Variants in FABP6 observed in about 807,000 individuals in gnomAD.
The protein encoded by FABP6 is fatty acid binding protein 6.
A neutral mutation model predicts 14.9 loss-of-function variants in FABP6; 13 were observed. That is an observed-to-expected ratio of 0.87 (90% CI 0.57 to 1.39). The LOEUF (loss-of-function observed/expected upper bound fraction) is 1.39. Ranked by LOEUF, FABP6 falls within the 40% of genes most tolerant of loss-of-function variation. The pLI is 0.00. For synonymous variants in FABP6, 75 were observed against 63.6 expected (o/e 1.18, Z -0.85); for missense variants, 161 against 167.2 (o/e 0.96, Z 0.20).
chr5:160,218,461 C>CT lies in FABP6; in HGVS notation c.135+4659dup, dbSNP rs10692189. Among the ~76,000 whole-genome samples, 63 of 116,410 alleles carry CT rather than the reference C, an allele frequency of 5.4e-4. 4 individuals carry two copies. Among genetic ancestry groups the CT allele is most frequent in the Middle Eastern group, 0.011 (2 of 186 alleles). 76.4% of individuals were successfully genotyped at this position (116,410 alleles called of 152,430 possible). A position where few individuals can be genotyped will look rare whatever the true frequency, so the allele number is the denominator to read the frequency against. ...TGGATTTTCTTATCTTAGTCTTTGA[C>CT]TTTTTTTTTTTTTTTTTGAGATGGA... On this transcript the variant is annotated intron_variant, in intron 3 of 6. Coordinates refer to the FABP6 transcript ENST00000393980.
intron 1 of FABP6, chr5:160,198,794 C>A: frequency 2.6e-6 from 1 of 383,590 alleles, no homozygotes; most frequent in Non-Finnish European, 4.8e-6. Flanking sequence ...TCAGACATGC[C>A]TTCCCTGCCC....
Position 160,232,201 on chromosome 5 carries a change from C to A in FABP6, c.171C>A (p.Gly57=), listed in dbSNP as rs147812177. The change falls in exon 2 of 4, where the codon GGC becomes GGA. Residue 57 remains glycine (G), a synonymous_variant. Transcript: ENST00000402432. Reference sequence around the variant, plus strand: ...CTTGGTCCCAGCACTACTCCGGGGGCCACACCATGACCAACAAGTTCACTG... The same window carrying A: ...CTTGGTCCCAGCACTACTCCGGGGGACACACCATGACCAACAAGTTCACTG... ...DFTWSQHYSG[G]HTMTNKFTVG... 1 of 1,613,362 alleles carries A rather than the reference C, an allele frequency of 6.2e-7. No homozygotes were observed. Among genetic ancestry groups the A allele is most frequent in the Admixed American group, 1.7e-5 (1 of 59,884 alleles).
intron 2 of FABP6, chr5:160,199,199 A>T: frequency 4.3e-6 from 7 of 1,609,570 alleles, no homozygotes; most frequent in Non-Finnish European, 6.0e-6. Flanking sequence ...GAGGCAAATG[A>T]AAGGATGACC....
chr5:160,222,362 C>T (rs1486930592), intron 3 of FABP6, among the ~76,000 whole-genome samples: 1 of 152,044 alleles, frequency 6.6e-6, no homozygotes, highest in African/African-American at 2.4e-5. Flanking sequence ...GAGATGGAGT[C>T]TTGCTCTGTT....
In FABP6 at chr5:160,216,191, C is replaced by T. The variant is rs114598756; in HGVS notation, c.135+2372C>T. ...TGTCTTCTGCTGTGTATCTCCATCC[C>T]CTAACACATAGCCTTGTGCTAGTAA... On this transcript the variant is annotated intron_variant, in intron 3 of 6. Transcript: ENST00000393980. Among the ~76,000 whole-genome samples the T allele has an allele frequency of 8.6e-3, 1,304 of 152,190 alleles. 9 individuals are homozygous for T. The highest frequency in any genetic ancestry group is 0.03 in the African/African-American group (1,234 of 41,522).
At chr5:160,217,407 G>GCATTC (rs1395007448) in intron 3 of FABP6, among the ~76,000 whole-genome samples, 2 of 152,094 alleles carry the variant, frequency 1.3e-5, no homozygotes, top group Non-Finnish European at 2.9e-5. Flanking sequence ...ACAAGAAGAA[G>GCATTC]GGCTGAATGC....
intron 2 of FABP6, among the ~76,000 whole-genome samples, chr5:160,208,784 T>C (rs1759823499): frequency 2.0e-5 from 1 of 50,870 alleles, no homozygotes; most frequent in South Asian, 5.1e-4. Context: ...TTTCTTTTCT[T>C]TTTTTTTTTT....
chr5:160,223,909 A>C (rs1760188246), intron 3 of FABP6, among the ~76,000 whole-genome samples: 1 of 145,658 alleles, frequency 6.9e-6, no homozygotes, highest in Admixed American at 7.0e-5. Context: ...AGACCAGCCT[A>C]GGCAACAAAG....
intron 3 of FABP6, among the ~76,000 whole-genome samples, chr5:160,236,344 C>A (rs1760514789): frequency 6.6e-6 from 1 of 152,086 alleles, no homozygotes; most frequent in African/African-American, 2.4e-5. Context: ...GGGCACTAAT[C>A]CTTCATGGGG....
chr5:160,218,675 G>A (rs1441896437), intron 3 of FABP6, among the ~76,000 whole-genome samples: 15 of 151,490 alleles, frequency 9.9e-5, no homozygotes, highest in Non-Finnish European at 2.1e-4. Flanking sequence ...TGGTTAGGGT[G>A]GTCTAGAACT....
chr5:160,219,177 C>T lies in FABP6; in HGVS notation c.135+5358C>T, dbSNP rs549707692. ...GATAGTTCACTTACTCTATGCAAGACCTGTAAGGTCCTGGGGATGGAGAGA... is the reference window on the plus strand; with the variant it reads ...GATAGTTCACTTACTCTATGCAAGATCTGTAAGGTCCTGGGGATGGAGAGA... On this transcript the variant is annotated intron_variant, in intron 3 of 6. Coordinates refer to the FABP6 transcript ENST00000393980. 3.3e-5 allele frequency among the ~76,000 whole-genome samples: 5 copies of T among 152,230 alleles called. No individual in the cohort carries two copies. In the South Asian group the frequency reaches 1.0e-3, roughly 32 times the overall value.
exon 3 of FABP6, chr5:160,213,800 A>G: frequency 6.2e-7 from 1 of 1,613,846 alleles, no homozygotes; most frequent in East Asian, 2.2e-5. Context: ...CAGAGAATGA[A>G]ACAGACACAT....
At position 160,229,821 on chromosome 5, in the gene FABP6, T is replaced by TTTTTA. The variant is rs200570698; in HGVS notation, c.67+262_67+266dup. On this transcript the variant is annotated intron_variant, in intron 1 of 3. Coordinates refer to ENST00000402432, the MANE Select transcript of FABP6 (RefSeq NM_001445.3). Reference sequence around the variant, plus strand: ...ATAAGAACTAAGACACTCTTTAACTTTTTTATTTTATTTTATTTTATTTTA... The same window carrying TTTTTA: ...ATAAGAACTAAGACACTCTTTAACTTTTTTATTTTATTTTATTTTATTTTATTTTA... Among the ~76,000 whole-genome samples the TTTTTA allele has an allele frequency of 2.9e-3, 370 of 128,072 alleles. 3 individuals are homozygous for TTTTTA. The highest frequency in any genetic ancestry group is 9.0e-3 in the African/African-American group (297 of 33,172). The allele number at this position is 128,072 out of a possible 152,430, so 84.0% of individuals were successfully genotyped here. A position where few individuals can be genotyped will look rare whatever the true frequency, so the allele number is the denominator to read the frequency against.
intron 1 of FABP6, among the ~76,000 whole-genome samples, chr5:160,194,628 C>T (rs1759474417): frequency 1.3e-5 from 2 of 152,284 alleles, no homozygotes; most frequent in South Asian, 4.1e-4. Flanking sequence ...ACCAGGGACA[C>T]CCTCTGCGTA....
chr5:160,224,092 T>C (rs1053403418), intron 3 of FABP6, among the ~76,000 whole-genome samples: 9 of 151,758 alleles, frequency 5.9e-5, no homozygotes, highest in Non-Finnish European at 1.2e-4. Context: ...AAAAATTAGC[T>C]GGGCGTGGTG....
At chr5:160,204,866 G>C (rs981162995) in intron 2 of FABP6, 2 of 152,166 alleles carry the variant, frequency 1.3e-5, no homozygotes, top group Non-Finnish European at 2.9e-5. Context: ...CCTATCCAAG[G>C]TAGGAAGCCT....
At chr5:160,233,688 T>C (rs1760440704) in intron 2 of FABP6, among the ~76,000 whole-genome samples, 1 of 151,816 alleles carries the variant, frequency 6.6e-6, no homozygotes, top group African/African-American at 2.4e-5. Flanking sequence ...GACTGGCCAA[T>C]ATGGTGAAAC....
intron 3 of FABP6, among the ~76,000 whole-genome samples, chr5:160,221,127 A>G (rs1760120494): frequency 6.6e-6 from 1 of 151,034 alleles, no homozygotes; most frequent in Admixed American, 6.6e-5. Context: ...ACTTGAGGAC[A>G]GGTACTTGGT....
chr5:160,213,954 C>A, intron 3 of FABP6: 1 of 722,696 alleles, frequency 1.4e-6, no homozygotes, highest in Non-Finnish European at 2.4e-6. Context: ...TATTAGGTTG[C>A]ACCATCTGAA....
Sources: allele counts gnomAD v4.1 joint callset (sites outside exome capture counted in the v4.1 genomes callset), GRCh38; gene constraint gnomAD v4.1.1; transcripts MANE v1.5; gene names NCBI Gene and HGNC (gene_info 2026-07-23, HGNC 2026-07-21).